The following TENM2 variants were observed in gnomAD, a reference collection of about 807,000 sequenced individuals.
The protein encoded by TENM2 is teneurin transmembrane protein 2.
TENM2 carries 52 observed loss-of-function variants against 245.2 expected under a neutral mutation model. That is an observed-to-expected ratio of 0.21 (90% CI 0.17 to 0.27). TENM2 has a LOEUF of 0.27. Among genes scored for constraint, TENM2 ranks in the 10% least tolerant of loss-of-function variants. The pLI is 1.00. For synonymous variants in TENM2, 1,363 were observed against 1,438.9 expected, an observed-to-expected ratio of 0.95 and a Z score of 1.19; for missense variants, 3,046 against 3,666.8, an observed-to-expected ratio of 0.83 and a Z score of 4.37.
chr5:168,094,432 A>G (rs1433990787), intron 8 of TENM2, among the ~76,000 whole-genome samples: 1 of 152,172 alleles, frequency 6.6e-6, no homozygotes, highest in Admixed American at 6.6e-5. Flanking sequence ...CCAGATGCTC[A>G]GTGAGAAGCA....
At chr5:167,065,535 G>A in the TENM2 span, among the ~76,000 whole-genome samples, 1 of 152,164 alleles carries the variant, frequency 6.6e-6, no homozygotes, top group Non-Finnish European at 1.5e-5. Context: ...ACGTGTATGA[G>A]TAGTGTGAGT....
the TENM2 span, among the ~76,000 whole-genome samples, chr5:167,027,428 A>G: frequency 6.6e-6 from 1 of 152,206 alleles, no homozygotes; most frequent in Non-Finnish European, 1.5e-5. Flanking sequence ...GGTAAAGCTC[A>G]TGAAATGCTT....
intron 3 of TENM2, among the ~76,000 whole-genome samples, chr5:167,949,628 G>C (rs1387473815): frequency 6.6e-6 from 1 of 152,126 alleles, no homozygotes; most frequent in African/African-American, 2.4e-5. Flanking sequence ...GTTTTCACCA[G>C]TTGGCAGATG....
At chr5:168,042,707 C>A (rs1202092057) in intron 5 of TENM2, among the ~76,000 whole-genome samples, 2 of 152,130 alleles carry the variant, frequency 1.3e-5, no homozygotes, top group African/African-American at 4.8e-5. Context: ...AAGAAAATAT[C>A]ACACCCTCAC....
rs72645743 is a variant in TENM2, at chr5:167,313,643, C to T, written c.226+28580C>T. Among the ~76,000 whole-genome samples, 2,916 of 152,172 alleles carry T rather than the reference C, an allele frequency of 0.019. 195 individuals are homozygous for T. The East Asian group carries it at 0.23, about 12-fold the overall frequency. On this transcript the variant is annotated intron_variant, in intron 1 of 28. Coordinates refer to ENST00000518659, the Ensembl canonical transcript of TENM2. ...CCAATGTACTTCACTTGGCAAGTCA[C>T]TTATTCACCTTAAGCCTCCATTTCC...
intron 1 of TENM2, among the ~76,000 whole-genome samples, chr5:167,301,920 G>A (rs888844865): frequency 2.6e-5 from 4 of 152,130 alleles, no homozygotes; most frequent in Non-Finnish European, 5.9e-5. Context: ...ATAGGGTGGA[G>A]GAGTGGAGGC....
exon 1 of TENM2, chr5:167,284,930 C>A: frequency 6.4e-7 from 1 of 1,551,700 alleles, no homozygotes; most frequent in South Asian, 1.2e-5. Context: ...ACAGTGAGGA[C>A]TGCCGCGTGC....
At chr5:167,408,859 T>A (rs1762764281) in intron 2 of TENM2, among the ~76,000 whole-genome samples, 1 of 150,398 alleles carries the variant, frequency 6.6e-6, no homozygotes, top group East Asian at 2.0e-4. Flanking sequence ...TGACAGAGTA[T>A]CTTACATATG....
chr5:167,415,034 G>T (rs1763093290), intron 2 of TENM2, among the ~76,000 whole-genome samples: 1 of 151,738 alleles, frequency 6.6e-6, no homozygotes, highest in African/African-American at 2.4e-5. Context: ...TCCTTTGCAA[G>T]TTGGTTCTCT....
chr5:167,701,405 T>C (rs1438122695), intron 2 of TENM2, among the ~76,000 whole-genome samples: 1 of 152,030 alleles, frequency 6.6e-6, no homozygotes, highest in Non-Finnish European at 1.5e-5. Flanking sequence ...TTGTTTTTTT[T>C]TTTTACATCA....
chr5:167,743,018 A>G (rs1761299732), intron 2 of TENM2, among the ~76,000 whole-genome samples: 1 of 140,312 alleles, frequency 7.1e-6, no homozygotes, highest in African/African-American at 2.8e-5. Context: ...AACAACAACA[A>G]CAAACCACCC....
the TENM2 span, among the ~76,000 whole-genome samples, chr5:167,023,517 TAA>T: frequency 6.8e-4 from 104 of 152,334 alleles, no homozygotes; most frequent in Admixed American, 2.4e-3. Flanking sequence ...CATGTGAGCA[TAA>T]AAGTGTTGAT....
chr5:167,531,488 T>G (rs1771497469), intron 2 of TENM2, among the ~76,000 whole-genome samples: 1 of 152,170 alleles, frequency 6.6e-6, no homozygotes, highest in African/African-American at 2.4e-5. Flanking sequence ...CTTATCTTTT[T>G]TTTTTTGCAA....
chr5:167,557,443 C>T (rs1048368396), intron 2 of TENM2, among the ~76,000 whole-genome samples: 2 of 152,218 alleles, frequency 1.3e-5, no homozygotes, highest in Non-Finnish European at 2.9e-5. Context: ...GTTACTTTTA[C>T]TCTCCTGCAT....
intron 19 of TENM2, among the ~76,000 whole-genome samples, chr5:168,206,279 G>A (rs564788171): frequency 6.6e-6 from 1 of 152,364 alleles, no homozygotes; most frequent in South Asian, 2.1e-4. Flanking sequence ...GCCAGGGACT[G>A]AGAGGAGTAA....
chr5:167,087,561 A>G, the TENM2 span, among the ~76,000 whole-genome samples: 3 of 152,216 alleles, frequency 2.0e-5, no homozygotes, highest in Non-Finnish European at 4.4e-5. Context: ...GTTCAGTGCT[A>G]TATTTCTAAC....
chr5:168,191,621 A>G (rs907859667), intron 14 of TENM2, among the ~76,000 whole-genome samples: 2 of 151,938 alleles, frequency 1.3e-5, no homozygotes, highest in Non-Finnish European at 2.9e-5. Context: ...GACGACCCCC[A>G]TTGTGCCATC....
At chr5:167,020,315 A>G in the TENM2 span, among the ~76,000 whole-genome samples, 45 of 152,310 alleles carry the variant, frequency 3.0e-4, no homozygotes, top group Non-Finnish European at 5.7e-4. Flanking sequence ...TCTGGAAGTT[A>G]TAGAATATTA....
At chr5:167,804,071 A>T (rs1220856894) in intron 2 of TENM2, among the ~76,000 whole-genome samples, 2 of 152,098 alleles carry the variant, frequency 1.3e-5, no homozygotes, top group Non-Finnish European at 2.9e-5. Context: ...GGGGATGTTT[A>T]ATGGGTGTAA....
Sources: gnomAD v4.1 joint callset for allele counts (sites outside exome capture counted in the v4.1 genomes callset) on GRCh38, gnomAD v4.1.1 for gene constraint, MANE v1.5 for transcripts, NCBI Gene and HGNC (gene_info 2026-07-23, HGNC 2026-07-21) for gene names.